The following LOXL2 variants were observed in gnomAD, a reference collection of about 807,000 sequenced individuals.
The protein encoded by LOXL2 is lysyl oxidase homolog 2.
LOXL2 carries 70 observed loss-of-function variants against 93.0 expected under a neutral mutation model. The ratio of observed to expected loss-of-function variants is 0.75; its 90% CI spans 0.62 to 0.92. LOXL2 has a LOEUF of 0.92. Among genes scored for constraint, LOXL2 ranks in the 40% least tolerant of loss-of-function variants. The probability of loss-of-function intolerance (pLI) is 0.00; values close to 1 mark genes in which losing one functional copy is unlikely to be tolerated. For missense variants in LOXL2, 973 were observed against 1,054.9 expected (o/e 0.92, Z 1.08); for synonymous variants, 438 against 413.2 (o/e 1.06, Z -0.73).
intron 1 of LOXL2, among the ~76,000 whole-genome samples, chr8:23,371,490 C>G (rs961827828): frequency 2.0e-5 from 3 of 152,046 alleles, no homozygotes; most frequent in Non-Finnish European, 4.4e-5. Context: ...CAGTGGCTCA[C>G]GCCTGTAATC....
intron 3 of LOXL2, among the ~76,000 whole-genome samples, chr8:23,346,264 T>G (rs1462562887): frequency 6.6e-6 from 1 of 151,452 alleles, no homozygotes; most frequent in Non-Finnish European, 1.5e-5. Flanking sequence ...TCAAGCACCC[T>G]GCACATATTA....
intron 12 of LOXL2, among the ~76,000 whole-genome samples, chr8:23,301,807 C>T (rs2280940): frequency 0.66 from 99,752 of 152,076 alleles, 32,932 homozygotes; most frequent in Non-Finnish European, 0.69. Context: ...AATGTGAATG[C>T]CTGTGGTGTC....
At chr8:23,379,434 G>T (rs903811222) in intron 1 of LOXL2, among the ~76,000 whole-genome samples, 1 of 152,194 alleles carries the variant, frequency 6.6e-6, no homozygotes, top group Non-Finnish European at 1.5e-5. Context: ...CAAACTCCAT[G>T]CTGGGAGAAC....
chr8:23,349,053 G>A (rs1026904035), intron 3 of LOXL2, among the ~76,000 whole-genome samples: 9 of 152,044 alleles, frequency 5.9e-5, no homozygotes, highest in Non-Finnish European at 1.0e-4. Flanking sequence ...CTCTAGCTTT[G>A]CAGACCTTCG....
chr8:23,375,764 C>T (rs1364029960), intron 1 of LOXL2, among the ~76,000 whole-genome samples: 3 of 151,984 alleles, frequency 2.0e-5, no homozygotes, highest in Admixed American at 6.6e-5. Context: ...TGTAAGAATG[C>T]TTGTGATATT....
intron 5 of LOXL2, chr8:23,331,414 G>C (rs897847040): frequency 1.3e-5 from 2 of 152,160 alleles, no homozygotes; most frequent in African/African-American, 4.8e-5. Flanking sequence ...TGATTACTAC[G>C]ATCATCACGC....
At chr8:23,299,019 A>G (rs1397697384) in intron 12 of LOXL2, 72 bp from the exon 13 acceptor site, 7 of 879,638 alleles carry the variant, frequency 8.0e-6, no homozygotes, top group African/African-American at 3.3e-5. Flanking sequence ...TGGGGCTCTG[A>G]GAGACCAGCA....
At chr8:23,400,114 A>G (rs889269376) in intron 1 of LOXL2, among the ~76,000 whole-genome samples, 5 of 152,364 alleles carry the variant, frequency 3.3e-5, no homozygotes, top group East Asian at 3.9e-4. Context: ...TCTCATTAAC[A>G]AGGTGGAGAA....
At chr8:23,393,727 CA>C (rs36103971) in intron 1 of LOXL2, among the ~76,000 whole-genome samples, 4 of 150,692 alleles carry the variant, frequency 2.7e-5, no homozygotes, top group Non-Finnish European at 4.4e-5. Flanking sequence ...TTCTGCACAT[CA>C]AAAAAAAATG....
rs1800186783 is a variant in LOXL2, at chr8:23,404,068, C to T, written c.-198G>A. 3 of 211,474 alleles carry T rather than the reference C, an allele frequency of 1.4e-5. No individual in the cohort carries two copies. Among genetic ancestry groups the T allele is most frequent in the Non-Finnish European group, 3.0e-5 (3 of 100,016 alleles). The allele number at this position is 211,474 out of a possible 1,614,324, so 13.1% of individuals were successfully genotyped here. ...GAGCAGAGGGGGCGGCTCTGGTCTCCGATGGCTGGAGAAAGCAAGCACCAA... is the reference window on the plus strand; with the variant it reads ...GAGCAGAGGGGGCGGCTCTGGTCTCTGATGGCTGGAGAAAGCAAGCACCAA... On this transcript the variant is annotated 5_prime_UTR_variant, in exon 1 of 14. Coordinates refer to ENST00000389131, the MANE Select transcript of LOXL2 (RefSeq NM_002318.3).
intron 10 of LOXL2, 51 bp downstream of exon 10, chr8:23,309,617 G>A: frequency 7.3e-7 from 1 of 1,371,708 alleles, no homozygotes. Flanking sequence ...TCTGAGGCCT[G>A]CAGGATGTCC....
chr8:23,344,748 A>T (rs938914209), intron 3 of LOXL2, among the ~76,000 whole-genome samples: 2 of 151,980 alleles, frequency 1.3e-5, no homozygotes, highest in Non-Finnish European at 2.9e-5. Context: ...CTTGTGGTGG[A>T]GGAAATTCTG....
intron 2 of LOXL2, among the ~76,000 whole-genome samples, chr8:23,360,628 T>C (rs1804274197): frequency 1.3e-5 from 2 of 152,288 alleles, no homozygotes; most frequent in South Asian, 4.2e-4. Context: ...CCCTTTTTCT[T>C]ATCAGTAAAG....
chr8:23,299,331 G>C (rs1379549013), intron 12 of LOXL2, among the ~76,000 whole-genome samples: 1 of 152,182 alleles, frequency 6.6e-6, no homozygotes, highest in Non-Finnish European at 1.5e-5. Context: ...TGGCGGTGTG[G>C]GAACCTGGAA....
At chr8:23,358,111 A>T (rs896356610) in intron 3 of LOXL2, among the ~76,000 whole-genome samples, 2 of 152,236 alleles carry the variant, frequency 1.3e-5, no homozygotes, top group African/African-American at 4.8e-5. Flanking sequence ...AAATTTTGTG[A>T]AACTGGGTTG....
At chr8:23,399,290 G>GC (rs144204307) in intron 1 of LOXL2, among the ~76,000 whole-genome samples, 12,854 of 152,206 alleles carry the variant, frequency 0.084, 692 homozygotes, top group African/African-American at 0.14. Context: ...AAGCCAGGCA[G>GC]CCCCTGGGAA....
rs775343307 is a variant in LOXL2, at chr8:23,333,548, G to T, written c.819C>A (p.Ser273=). ...ACACCTGGGGGCCCAGCTTGCAGCTGGAGATGTGGGCCTCTGTGCCGGTGC... is the reference window on the plus strand; with the variant it reads ...ACACCTGGGGGCCCAGCTTGCAGCTTGAGATGTGGGCCTCTGTGCCGGTGC... ...MDCTGTEAHI[S]SCKLGPQVSL... is the part of the protein sequence containing the mutation. The change falls in exon 5 of 14, where the codon TCC becomes TCA. Residue 273 remains serine (S), a synonymous_variant. Transcript: ENST00000389131. 5 of 1,613,836 alleles carry T rather than the reference G, an allele frequency of 3.1e-6. No individual in the cohort carries two copies. In the African/African-American group the frequency reaches 4.0e-5, roughly 13 times the overall value.
intron 10 of LOXL2, among the ~76,000 whole-genome samples, chr8:23,305,259 C>T (rs1292517839): frequency 6.6e-6 from 1 of 152,186 alleles, no homozygotes; most frequent in Non-Finnish European, 1.5e-5. Flanking sequence ...TCAGACGGAG[C>T]GCACAGACAG....
chr8:23,346,182 T>TAA (rs1554479845), intron 3 of LOXL2, among the ~76,000 whole-genome samples: 1,085 of 100,438 alleles, frequency 0.011, 19 homozygotes, highest in African/African-American at 0.048. Context: ...ATAAATAAAA[T>TAA]AATAAAATAA....
Sources: gnomAD v4.1 joint callset for allele counts (sites outside exome capture counted in the v4.1 genomes callset) on GRCh38, gnomAD v4.1.1 for gene constraint, MANE v1.5 for transcripts, NCBI Gene and HGNC (gene_info 2026-07-23, HGNC 2026-07-21) for gene names.